ADAM18: variants seen among roughly 807,000 people sequenced by gnomAD.
The protein encoded by ADAM18 is ADAM metallopeptidase domain 18, also known as disintegrin and metalloproteinase domain-containing protein 18.
ADAM18 carries 117 observed loss-of-function variants against 94.4 expected under a neutral mutation model. The ratio of observed to expected loss-of-function variants is 1.24; its 90% CI spans 1.07 to 1.45. ADAM18 has a LOEUF of 1.45. Among genes scored for constraint, ADAM18 ranks in the 40% most tolerant of loss-of-function variants. The pLI, the probability that ADAM18 is intolerant of heterozygous loss-of-function variation, is 0.00. For missense variants in ADAM18, 936 were observed against 880.0 expected, an observed-to-expected ratio of 1.06 and a Z score of -0.81; for synonymous variants, 327 against 291.6, an observed-to-expected ratio of 1.12 and a Z score of -1.24.
chr8:39,666,258 T>A (rs183378899), intron 13 of ADAM18, among the ~76,000 whole-genome samples: 1 of 152,258 alleles, frequency 6.6e-6, no homozygotes, highest in Non-Finnish European at 1.5e-5. Context: ...CAGGCTGTCC[T>A]TGAACTTCTG....
chr8:39,717,893 T>C (rs1822623573), intron 18 of ADAM18, among the ~76,000 whole-genome samples: 1 of 151,344 alleles, frequency 6.6e-6, no homozygotes, highest in East Asian at 1.9e-4. Context: ...AAGAACAAAA[T>C]ACCTTATAAC....
At chr8:39,610,070 T>C (rs1819220634) in intron 5 of ADAM18, among the ~76,000 whole-genome samples, 1 of 152,068 alleles carries the variant, frequency 6.6e-6, no homozygotes. Flanking sequence ...CCTCTAACTT[T>C]CCTTTGGTTT....
rs570952153 is a variant in ADAM18, at chr8:39,606,653, G to A, written c.188+291G>A. Among the ~76,000 whole-genome samples, 68 of 152,152 alleles carry A rather than the reference G, an allele frequency of 4.5e-4. 1 individual carries two copies. Among genetic ancestry groups the A allele is most frequent in the Non-Finnish European group, 9.6e-4 (65 of 68,044 alleles). On this transcript the variant is annotated intron_variant, in intron 3 of 19. Coordinates refer to ENST00000265707, the MANE Select transcript of ADAM18 (RefSeq NM_014237.3). ...CCAAGAACAGCAAGTTATATATTAA[G>A]TATATCTGGTGTGAAATCAAACATA...
intron 14 of ADAM18, among the ~76,000 whole-genome samples, chr8:39,672,911 A>T (rs1042266000): frequency 1.3e-5 from 2 of 152,184 alleles, no homozygotes; most frequent in African/African-American, 4.8e-5. Flanking sequence ...GTCCTGGCCA[A>T]GTTTCAGTTT....
chr8:39,677,691 A>G (rs1821337434), intron 15 of ADAM18, among the ~76,000 whole-genome samples, 155 bp downstream of exon 15: 1 of 152,182 alleles, frequency 6.6e-6, no homozygotes, highest in African/African-American at 2.4e-5. Context: ...AGGATTTTCT[A>G]TTATTTTCCC....
At chr8:39,601,763 C>A (rs1818909715) in intron 2 of ADAM18, among the ~76,000 whole-genome samples, 1 of 152,116 alleles carries the variant, frequency 6.6e-6, no homozygotes, top group South Asian at 2.1e-4. Flanking sequence ...TGTTATGCAA[C>A]AAATCTCTAG....
At chr8:39,710,074 G>T (rs1822353129) in intron 18 of ADAM18, among the ~76,000 whole-genome samples, 1 of 152,174 alleles carries the variant, frequency 6.6e-6, no homozygotes, top group Non-Finnish European at 1.5e-5. Flanking sequence ...GCTAATCAAA[G>T]TAACTCATGG....
At chr8:39,585,233 G>A in intron 1 of ADAM18, 43 bp from the exon 2 acceptor site, 1 of 1,518,068 alleles carries the variant, frequency 6.6e-7, no homozygotes, top group East Asian at 2.3e-5. Context: ...GACGATTGTT[G>A]ATGCAAAACA....
At chr8:39,619,642 A>C (rs1819549249) in intron 6 of ADAM18, among the ~76,000 whole-genome samples, 1 of 152,148 alleles carries the variant, frequency 6.6e-6, no homozygotes, top group Non-Finnish European at 1.5e-5. Flanking sequence ...CCCATTTATA[A>C]TACCTACAAA....
At chr8:39,592,120 A>G (rs1818585371) in intron 2 of ADAM18, among the ~76,000 whole-genome samples, 12 of 152,230 alleles carry the variant, frequency 7.9e-5, no homozygotes, top group Admixed American at 7.9e-4. Flanking sequence ...CATCACAGGC[A>G]TAAGTACATT....
chr8:39,644,566 G>T (rs1222664853), intron 10 of ADAM18, among the ~76,000 whole-genome samples: 1 of 152,144 alleles, frequency 6.6e-6, no homozygotes, highest in Non-Finnish European at 1.5e-5. Flanking sequence ...GGGATTAGAG[G>T]CCTAAGCCAC....
At chr8:39,632,583 A>T (rs1819958911) in intron 7 of ADAM18, among the ~76,000 whole-genome samples, 1 of 152,050 alleles carries the variant, frequency 6.6e-6, no homozygotes, top group Middle Eastern at 3.2e-3. Context: ...TGATTTTAGG[A>T]TTTATGTTCA....
intron 12 of ADAM18, among the ~76,000 whole-genome samples, chr8:39,661,826 C>T (rs938959718): frequency 6.6e-6 from 1 of 151,798 alleles, no homozygotes; most frequent in Non-Finnish European, 1.5e-5. Flanking sequence ...ACAGAGCTTC[C>T]ATTTGTGAAA....
chr8:39,679,611 A>C (rs1821387798), intron 15 of ADAM18, among the ~76,000 whole-genome samples: 1 of 152,212 alleles, frequency 6.6e-6, no homozygotes, highest in South Asian at 2.1e-4. Flanking sequence ...CTTTCTAGGT[A>C]TCATGACAGG....
At chr8:39,687,556 A>G (rs984160930) in intron 16 of ADAM18, among the ~76,000 whole-genome samples, 1 of 152,286 alleles carries the variant, frequency 6.6e-6, no homozygotes, top group African/African-American at 2.4e-5. Flanking sequence ...TGTACAAATG[A>G]TTCCATCACC....
intron 19 of ADAM18, 175 bp downstream of exon 19, chr8:39,724,082 C>T (rs1418153354): frequency 4.5e-6 from 2 of 447,494 alleles, no homozygotes; most frequent in Non-Finnish European, 7.3e-6. Context: ...TTGGGGCAAG[C>T]CAAAATTCTC....
chr8:39,588,333 A>G (rs1333586792), intron 2 of ADAM18, among the ~76,000 whole-genome samples: 1 of 150,818 alleles, frequency 6.6e-6, no homozygotes, highest in Non-Finnish European at 1.5e-5. Context: ...ATTGAGTACT[A>G]TTTCTTATAC....
intron 2 of ADAM18, among the ~76,000 whole-genome samples, chr8:39,588,928 T>C (rs1256450789): frequency 6.6e-6 from 1 of 152,230 alleles, no homozygotes; most frequent in Admixed American, 6.5e-5. Context: ...GGCATAATAC[T>C]ATGATTGTGT....
At chr8:39,709,172 C>T (rs1466384145) in intron 18 of ADAM18, among the ~76,000 whole-genome samples, 2 of 152,100 alleles carry the variant, frequency 1.3e-5, no homozygotes, top group Non-Finnish European at 2.9e-5. Flanking sequence ...GATTTTATTG[C>T]TGATGAAAGT....
Sources: gnomAD v4.1 joint callset for allele counts (sites outside exome capture counted in the v4.1 genomes callset) on GRCh38, gnomAD v4.1.1 for gene constraint, MANE v1.5 for transcripts, NCBI Gene and HGNC (gene_info 2026-07-23, HGNC 2026-07-21) for gene names.